Variants in AFG2A observed in about 807,000 individuals in gnomAD.
AFG2A encodes ATPase family gene 2 protein homolog A.
chr4:123,307,845 A>G, the AFG2A span, among the ~76,000 whole-genome samples: 1 of 152,228 alleles, frequency 6.6e-6, no homozygotes, highest in Admixed American at 6.5e-5. Context: ...TACAGTATTC[A>G]GTAACATGCT....
chr4:122,985,863 T>C, the AFG2A span, among the ~76,000 whole-genome samples: 3 of 151,864 alleles, frequency 2.0e-5, no homozygotes, highest in East Asian at 3.9e-4. Context: ...GGTGTGACCT[T>C]AGAATGTCAG....
the AFG2A span, among the ~76,000 whole-genome samples, chr4:123,313,008 T>C: frequency 6.6e-6 from 1 of 152,248 alleles, no homozygotes; most frequent in South Asian, 2.1e-4. Context: ...TATCAATCAC[T>C]GTTTTCCCTG....
At chr4:123,189,809 CTTTTTT>C in the AFG2A span, among the ~76,000 whole-genome samples, 4 of 61,776 alleles carry the variant, frequency 6.5e-5, no homozygotes, top group African/African-American at 2.7e-4. Flanking sequence ...AGGTCATTTG[CTTTTTT>C]TTTTTTTTTT....
At chr4:123,063,019 A>G in the AFG2A span, among the ~76,000 whole-genome samples, 1 of 152,190 alleles carries the variant, frequency 6.6e-6, no homozygotes, top group Non-Finnish European at 1.5e-5. Context: ...TTGTAACCAT[A>G]AAACTCTCAT....
the AFG2A span, among the ~76,000 whole-genome samples, chr4:123,076,836 A>AG: frequency 6.6e-6 from 1 of 151,962 alleles, no homozygotes; most frequent in Non-Finnish European, 1.5e-5. Flanking sequence ...TACTGAGCTC[A>AG]GGTCTATCTT....
At chr4:123,246,232 T>C in the AFG2A span, among the ~76,000 whole-genome samples, 1 of 152,220 alleles carries the variant, frequency 6.6e-6, no homozygotes, top group East Asian at 1.9e-4. Context: ...GTTGAAAACA[T>C]TGTGCAGTTA....
the AFG2A span, among the ~76,000 whole-genome samples, chr4:123,248,652 G>A: frequency 6.6e-6 from 1 of 152,148 alleles, no homozygotes; most frequent in African/African-American, 2.4e-5. Flanking sequence ...GCATTTCAGA[G>A]GCTATGGTAA....
chr4:123,271,533 C>T, the AFG2A span, among the ~76,000 whole-genome samples: 1 of 152,180 alleles, frequency 6.6e-6, no homozygotes, highest in African/African-American at 2.4e-5. Context: ...TGGATATTGT[C>T]CCTAGACTAA....
At chr4:122,998,532 A>C in the AFG2A span, among the ~76,000 whole-genome samples, 1 of 151,718 alleles carries the variant, frequency 6.6e-6, no homozygotes, top group South Asian at 2.1e-4. Context: ...TCATTATTCA[A>C]TTCCCACCTA....
chr4:122,975,587 T>C, the AFG2A span, among the ~76,000 whole-genome samples: 1 of 152,132 alleles, frequency 6.6e-6, no homozygotes, highest in East Asian at 1.9e-4. Flanking sequence ...TTCCTGAGCC[T>C]CAGTTTTCAC....
the AFG2A span, among the ~76,000 whole-genome samples, chr4:123,073,113 T>C: frequency 6.6e-6 from 1 of 152,060 alleles, no homozygotes; most frequent in Non-Finnish European, 1.5e-5. Flanking sequence ...TATTATTAAT[T>C]ATCATAACCA....
chr4:123,222,800 G>GTGA, the AFG2A span, among the ~76,000 whole-genome samples: 1 of 152,078 alleles, frequency 6.6e-6, no homozygotes, highest in Non-Finnish European at 1.5e-5. Flanking sequence ...TTGTCTTTGT[G>GTGA]TGACTGGTTT....
At chr4:123,302,230 C>T in the AFG2A span, among the ~76,000 whole-genome samples, 1 of 152,160 alleles carries the variant, frequency 6.6e-6, no homozygotes. Flanking sequence ...TTGCTTTCTT[C>T]TCCCAAGGAC....
chr4:122,977,965 C>A, the AFG2A span, among the ~76,000 whole-genome samples: 1 of 151,804 alleles, frequency 6.6e-6, no homozygotes, highest in Admixed American at 6.6e-5. Flanking sequence ...CTCCTTTCTG[C>A]AGGTAGGTCA....
chr4:123,021,178 T>TA, the AFG2A span, among the ~76,000 whole-genome samples: 1 of 152,136 alleles, frequency 6.6e-6, no homozygotes, highest in Non-Finnish European at 1.5e-5. Flanking sequence ...TCCATACTTG[T>TA]AACGGTACCT....
the AFG2A span, chr4:122,979,408 C>G: frequency 3.7e-6 from 6 of 1,607,600 alleles, no homozygotes; most frequent in Non-Finnish European, 5.1e-6. Context: ...ATGTCCCACA[C>G]TAGCTACACT....
chr4:123,008,037 A>G, the AFG2A span, among the ~76,000 whole-genome samples: 3 of 152,020 alleles, frequency 2.0e-5, no homozygotes, highest in South Asian at 4.2e-4. Flanking sequence ...TAGTATTGCT[A>G]TAGAATTTAG....
chr4:123,122,850 A>G, the AFG2A span, among the ~76,000 whole-genome samples: 1 of 150,976 alleles, frequency 6.6e-6, no homozygotes. Context: ...CTTTATCCAC[A>G]TGTGTTTATC....
the AFG2A span, chr4:123,315,856 C>T: frequency 1.3e-5 from 2 of 152,186 alleles, no homozygotes; most frequent in Admixed American, 6.5e-5. Flanking sequence ...TAGCTCACTG[C>T]ACCTTCAAAC....
Sources: allele counts gnomAD v4.1 joint callset (sites outside exome capture counted in the v4.1 genomes callset), GRCh38; gene constraint gnomAD v4.1.1; transcripts MANE v1.5; gene names NCBI Gene and HGNC (gene_info 2026-07-23, HGNC 2026-07-21).